KSR2: variants seen among roughly 807,000 people sequenced by gnomAD.
The protein encoded by KSR2 is kinase suppressor of ras 2.
KSR2 carries 25 observed loss-of-function variants against 107.8 expected under a neutral mutation model. That is an observed-to-expected ratio of 0.23 (90% CI 0.17 to 0.32). The LOEUF is 0.32. Among genes scored for constraint, KSR2 ranks in the 10% least tolerant of loss-of-function variants. The pLI, the probability that KSR2 is intolerant of heterozygous loss-of-function variation, is 1.00. For synonymous variants in KSR2, 480 were observed against 507.0 expected (o/e 0.95, Z 0.71); for missense variants, 887 against 1,268.9 (o/e 0.70, Z 4.57).
At chr12:117,916,620 C>A (rs1053514071) in intron 1 of KSR2, among the ~76,000 whole-genome samples, 1 of 152,072 alleles carries the variant, frequency 6.6e-6, no homozygotes, top group Non-Finnish European at 1.5e-5. Flanking sequence ...AGAGTAGAAC[C>A]AAGGCACATT....
In KSR2 at chr12:117,968,065, G is replaced by T; in HGVS notation, c.180+11C>A. On this transcript the variant is annotated intron_variant, in intron 1 of 19. Transcript: ENST00000339824. ...TTTTTTTTTTTTTTTTTTCCCGTAG[G>T]CAACACCTACCTCCAGGGTCCGGAT... is the stretch of plus-strand genomic sequence containing the variant. The T allele has an allele frequency of 2.3e-6, 2 of 881,928 alleles. No individual in the cohort carries two copies. Among genetic ancestry groups the T allele is most frequent in the Non-Finnish European group, 1.7e-6 (1 of 576,622 alleles). 54.6% of individuals were successfully genotyped at this position (881,928 alleles called of 1,614,324 possible). A position where few individuals can be genotyped will look rare whatever the true frequency, so the allele number is the denominator to read the frequency against.
At chr12:117,772,258 A>T (rs1889504625) in intron 3 of KSR2, among the ~76,000 whole-genome samples, 1 of 134,398 alleles carries the variant, frequency 7.4e-6, no homozygotes, top group African/African-American at 2.9e-5. Flanking sequence ...ACACATACAC[A>T]CCATTCCCCC....
intron 4 of KSR2, among the ~76,000 whole-genome samples, chr12:117,708,972 A>G (rs1886645374): frequency 6.6e-6 from 1 of 152,148 alleles, no homozygotes; most frequent in Admixed American, 6.5e-5. Flanking sequence ...CTCCAACTTC[A>G]AAGTCCATCA....
chr12:117,742,167 A>G (rs1194811385), intron 4 of KSR2, among the ~76,000 whole-genome samples: 1 of 152,226 alleles, frequency 6.6e-6, no homozygotes, highest in African/African-American at 2.4e-5. Context: ...AACAAGTTGA[A>G]AGATAGCCTA....
intron 4 of KSR2, among the ~76,000 whole-genome samples, chr12:117,721,107 A>G (rs1429202476): frequency 6.6e-6 from 1 of 152,226 alleles, no homozygotes; most frequent in Non-Finnish European, 1.5e-5. Flanking sequence ...ATTTCTCCAA[A>G]GAAAAGAAGT....
At chr12:117,526,603 T>C (rs1007964878) in intron 13 of KSR2, among the ~76,000 whole-genome samples, 2 of 152,182 alleles carry the variant, frequency 1.3e-5, no homozygotes, top group East Asian at 1.9e-4. Context: ...CCCAGAGCAG[T>C]TGCAGAGCTG....
At chr12:117,644,891 C>T (rs577637139) in intron 5 of KSR2, among the ~76,000 whole-genome samples, 3 of 152,268 alleles carry the variant, frequency 2.0e-5, no homozygotes, top group African/African-American at 7.2e-5. Context: ...GTTGCTCTCG[C>T]GTGCTCAGCA....
intron 5 of KSR2, 25 bp from the exon 6 acceptor site, chr12:117,582,384 T>C (rs1879722266): frequency 2.5e-6 from 4 of 1,593,852 alleles, no homozygotes; most frequent in Non-Finnish European, 3.4e-6. Context: ...GAACAGCCTG[T>C]TACACAGAGG....
Position 117,761,482 on chromosome 12 carries a change from G to T in KSR2, c.515C>A (p.Thr172Lys). ...ATTGTTCTCCTTCCCCGTCTCTGTC[G>T]TGGGCCACTGGATGGTCCAGTCTTG... ...SKQDWTIQWP[T>K]TETGKENNPV... is the part of the protein sequence containing the mutation. The change falls in exon 4 of 20, where the codon ACG becomes AAG. Residue 172 changes from threonine to lysine, a missense_variant. Thr to Lys is a moderately conservative substitution (Grantham distance 78). This residue lies in a region of KSR2 where 399 missense variants were observed against 479.5 expected (regional missense o/e 0.83). Coordinates refer to ENST00000339824, the MANE Select transcript of KSR2 (RefSeq NM_173598.6). The T allele has an allele frequency of 6.2e-7, 1 of 1,613,542 alleles. No homozygotes were observed. The highest frequency in any genetic ancestry group is 8.5e-7 in the Non-Finnish European group (1 of 1,179,788).
chr12:117,860,156 A>G lies in KSR2; in HGVS notation c.321+135T>C. ...TCAGCGATCCTGAATGTTTTCGTCC[A>G]GCACATATTTATTGAGAGCCTGCTA... On this transcript the variant is annotated intron_variant, in intron 2 of 19. Transcript: ENST00000339824. 3 of 865,556 alleles carry G rather than the reference A, an allele frequency of 3.5e-6. No individual in the cohort carries two copies. The South Asian group carries it at 5.9e-5, about 17-fold the overall frequency. The allele number at this position is 865,556 out of a possible 1,614,324, so 53.6% of individuals were successfully genotyped here.
intron 5 of KSR2, among the ~76,000 whole-genome samples, chr12:117,666,565 C>A (rs1884668517): frequency 6.6e-6 from 1 of 152,238 alleles, no homozygotes; most frequent in Non-Finnish European, 1.5e-5. Context: ...AATAATCCAT[C>A]TGCATGAGGG....
intron 14 of KSR2, among the ~76,000 whole-genome samples, chr12:117,507,881 A>C (rs1377702308): frequency 6.6e-6 from 1 of 152,120 alleles, no homozygotes; most frequent in African/African-American, 2.4e-5. Context: ...GAACTACCTC[A>C]GGACCTGCTA....
chr12:117,756,695 C>T (rs1888803273), intron 4 of KSR2, among the ~76,000 whole-genome samples: 1 of 152,158 alleles, frequency 6.6e-6, no homozygotes, highest in Non-Finnish European at 1.5e-5. Flanking sequence ...TTAAGAAATA[C>T]ATTTTATAAG....
intron 5 of KSR2, among the ~76,000 whole-genome samples, chr12:117,632,575 G>A (rs1174636401): frequency 6.6e-6 from 1 of 152,028 alleles, no homozygotes; most frequent in Admixed American, 6.6e-5. Flanking sequence ...TACATGTGCA[G>A]GTTTGTTATA....
intron 1 of KSR2, among the ~76,000 whole-genome samples, chr12:117,952,844 G>T (rs1359861040): frequency 1.3e-5 from 2 of 152,024 alleles, no homozygotes; most frequent in African/African-American, 4.8e-5. Context: ...AATTAGCTGG[G>T]CGTGGTGGCG....
intron 4 of KSR2, among the ~76,000 whole-genome samples, chr12:117,745,694 C>A (rs1336946615): frequency 1.3e-5 from 2 of 152,076 alleles, no homozygotes; most frequent in African/African-American, 4.8e-5. Flanking sequence ...ATCATCTCAG[C>A]CCCAAAACTC....
At chr12:117,812,716 G>C (rs1441294908) in intron 3 of KSR2, among the ~76,000 whole-genome samples, 1 of 151,772 alleles carries the variant, frequency 6.6e-6, no homozygotes, top group Non-Finnish European at 1.5e-5. Flanking sequence ...TTGTTAAAAT[G>C]TCCACAGTAC....
At chr12:117,847,028 G>C (rs1208721716) in intron 3 of KSR2, among the ~76,000 whole-genome samples, 1 of 152,244 alleles carries the variant, frequency 6.6e-6, no homozygotes, top group Non-Finnish European at 1.5e-5. Flanking sequence ...GTAAGCGAGA[G>C]TCCTAATTTG....
At chr12:117,879,380 G>A (rs1480931573) in intron 1 of KSR2, among the ~76,000 whole-genome samples, 1 of 152,106 alleles carries the variant, frequency 6.6e-6, no homozygotes, top group African/African-American at 2.4e-5. Context: ...TTCAATTTAT[G>A]TACAATATTA....
Sources: allele counts gnomAD v4.1 joint callset (sites outside exome capture counted in the v4.1 genomes callset), GRCh38; gene constraint gnomAD v4.1.1; regional missense constraint gnomAD v4.1.1; transcripts MANE v1.5; gene names NCBI Gene and HGNC (gene_info 2026-07-23, HGNC 2026-07-21).